SELENBP1: variants seen among roughly 807,000 people sequenced by gnomAD.
SELENBP1 encodes the protein selenium binding protein 1, also known as methanethiol oxidase.
In SELENBP1, 71 loss-of-function variants were observed where a neutral mutation model predicts 61.0. The ratio of observed to expected loss-of-function variants is 1.16; its 90% confidence interval spans 0.96 to 1.42. The LOEUF is 1.42. Ranked by LOEUF, SELENBP1 falls within the 40% of genes most tolerant of loss-of-function variation. The probability of loss-of-function intolerance (pLI) is 0.00; values close to 1 mark genes in which losing one functional copy is unlikely to be tolerated. For synonymous variants in SELENBP1, 270 were observed against 238.9 expected (o/e 1.13, Z -1.20); for missense variants, 561 against 605.0 (o/e 0.93, Z 0.76).
At chr1:151,366,539 A>G in intron 6 of SELENBP1, 86 bp from the exon 7 acceptor site, 2 of 1,499,360 alleles carry the variant, frequency 1.3e-6, no homozygotes, top group Non-Finnish European at 1.8e-6. Context: ...TCAGGGCAGA[A>G]GGTTAAGAAA....
At chr1:151,368,855 C>T in intron 4 of SELENBP1, 149 bp downstream of exon 4, 1 of 771,194 alleles carries the variant, frequency 1.3e-6, no homozygotes, top group Non-Finnish European at 2.1e-6. Flanking sequence ...GTAGACTCTG[C>T]TCTGAGGTCC....
At chr1:151,369,918 C>T in intron 1 of SELENBP1, 149 bp from the exon 2 acceptor site, 3 of 1,533,290 alleles carry the variant, frequency 2.0e-6, no homozygotes, top group Non-Finnish European at 2.6e-6. Flanking sequence ...CCTGTCCTCT[C>T]CGCCCCCTCA....
Position 151,368,297 on chromosome 1 carries a change from T to C in SELENBP1, c.383A>G (p.His128Arg), listed in dbSNP as rs747464379. 5 of 1,614,062 alleles carry C rather than the reference T, an allele frequency of 3.1e-6. No homozygotes were observed. In the African/African-American group the frequency reaches 4.0e-5, roughly 13 times the overall value. Residue 128 changes from histidine (H) to arginine (R), a missense_variant, in exon 5 of 12, where the codon CAT becomes CGT. Physicochemically the swap from His to Arg is conservative, Grantham distance 29. Transcript: ENST00000368868. The part of the protein sequence containing the change: ...LHKVIEPKDI[H>R]AKCELAFLHT... ...GAGAAAGGCCAGTTCGCACTTGGCATGGATGTCCTTGGGCTCAATGACCTG... is the reference window on the plus strand; with the variant it reads ...GAGAAAGGCCAGTTCGCACTTGGCACGGATGTCCTTGGGCTCAATGACCTG...
Position 151,367,209 on chromosome 1 carries a change from C to T in SELENBP1, c.482-305G>A, listed in dbSNP as rs185373550. On this transcript the variant is annotated intron_variant, in intron 5 of 11. Transcript: ENST00000368868. The stretch of plus-strand genomic sequence containing the variant: ...AATATAAAAAATTACCCAGGCATGG[C>T]GTCACATGCCTGTAATCCCAGCTAC... 3.3e-3 allele frequency: 1,030 copies of T among 307,484 alleles called. 13 individuals are homozygous for T. Among genetic ancestry groups the T allele is most frequent in the African/African-American group, 0.02 (931 of 46,968 alleles). The allele number at this position is 307,484 out of a possible 1,614,324, so 19.0% of individuals were successfully genotyped here.
rs760367354 is a variant in SELENBP1, at chr1:151,366,379, C to T, written c.739G>A (p.Gly247Arg). 57 of 1,614,004 alleles carry T rather than the reference C, an allele frequency of 3.5e-5. No individual in the cohort carries two copies. The highest frequency in any genetic ancestry group is 4.5e-5 in the Non-Finnish European group (53 of 1,180,040). ...AAGCGGATCTCCAAGGGAATAAGCC[C>T]ATCTTTTAGAGACAGGGTCTGCACA... Reference protein sequence around the residue: ...EIVQTLSLKDGLIPLEIRFLH... With the variant: ...EIVQTLSLKDRLIPLEIRFLH... The change falls in exon 7 of 12, where the codon GGG becomes AGG. Residue 247 changes from glycine (G) to arginine (R), a missense_variant. Physicochemically the swap from Gly to Arg is moderately radical, Grantham distance 125 (BLOSUM62 -2). Transcript: ENST00000368868.
intron 4 of SELENBP1, 73 bp downstream of exon 4, chr1:151,368,931 C>T: frequency 1.3e-6 from 2 of 1,491,220 alleles, no homozygotes; most frequent in African/African-American, 1.4e-5. Flanking sequence ...TTAGGTCTGG[C>T]TTCCTGCCCG....
At chr1:151,369,677 T>C (rs1327840325) in intron 2 of SELENBP1, 36 bp downstream of exon 2, 1 of 1,548,492 alleles carries the variant, frequency 6.5e-7, no homozygotes, top group African/African-American at 1.4e-5. Context: ...GTGGAATCAG[T>C]AGTAGGGCGC....
Position 151,369,760 on chromosome 1 carries a change from C to T in SELENBP1, c.14G>A (p.Cys5Tyr). MATK[C>Y]GNCGPGYSTP... ...GGAGTAGCCGGGTCCACAATTCCCA[C>T]ATTTCGTAGCTGTGGAAGCAATGGG... The change falls in exon 2 of 12, where the codon TGT (cysteine) becomes TAT (tyrosine). Residue 5 changes from cysteine to tyrosine, a missense_variant. Transcript: ENST00000368868. 6.4e-7 allele frequency: 1 copy of T among 1,552,482 alleles called. No homozygotes were observed. Among genetic ancestry groups the T allele is most frequent in the African/African-American group, 1.4e-5 (1 of 73,218 alleles).
At position 151,364,551 on chromosome 1, in the gene SELENBP1, A is replaced by G. The variant is rs763560003; in HGVS notation, c.1411T>C (p.Trp471Arg). The change falls in exon 12 of 12, where the codon TGG becomes CGG. Residue 471 changes from tryptophan (W) to arginine (R), a missense_variant. Coordinates refer to ENST00000368868, the MANE Select transcript of SELENBP1 (RefSeq NM_003944.4). Reference protein sequence around the residue: ...YPGGDCSSDIWI With the variant: ...YPGGDCSSDIRI ...GGTGATGAGGGTGGAGTTCAAATCC[A>G]GATGTCAGAGCTACAATCGCCCCCA... 2 of 1,614,110 alleles carry G rather than the reference A, an allele frequency of 1.2e-6. No individual in the cohort carries two copies. The highest frequency in any genetic ancestry group is 2.2e-5 in the South Asian group (2 of 91,078).
chr1:151,368,363 A>C, intron 4 of SELENBP1, 44 bp from the exon 5 acceptor site: 1 of 1,602,608 alleles, frequency 6.2e-7, no homozygotes, highest in South Asian at 1.1e-5. Context: ...CAGGACTGGG[A>C]GTCCCTGCTC....
At chr1:151,372,023 G>C (rs1432232244) in intron 1 of SELENBP1, among the ~76,000 whole-genome samples, 1 of 142,908 alleles carries the variant, frequency 7.0e-6, no homozygotes, top group African/African-American at 2.5e-5. Flanking sequence ...GAGCGGGGAA[G>C]GACCTCCCAA....
intron 3 of SELENBP1, 107 bp from the exon 4 acceptor site, chr1:151,369,296 T>C: frequency 6.8e-7 from 1 of 1,463,138 alleles, no homozygotes; most frequent in Non-Finnish European, 9.4e-7. Context: ...ACAGGCTGGA[T>C]TTCAGCACTC....
chr1:151,368,463 C>G, intron 4 of SELENBP1, 144 bp from the exon 5 acceptor site: 1 of 1,217,680 alleles, frequency 8.2e-7, no homozygotes, highest in Non-Finnish European at 1.1e-6. Flanking sequence ...GGGAATATGA[C>G]AAAGATTCAG....
In SELENBP1 at chr1:151,368,212, C is replaced by A; in HGVS notation, c.468G>T (p.Lys156Asn). 6.2e-7 allele frequency: 1 copy of A among 1,614,126 alleles called. No individual in the cohort carries two copies. The highest frequency in any genetic ancestry group is 1.1e-5 in the South Asian group (1 of 91,076). ...EVMISSLGDV[K>N]GNGKGGFVLL... ...GCTGGCAGGTACCTTTGCCATTGCC[C>A]TTGACGTCTCCCAGGGAGCTGATCA... The change falls in exon 5 of 12, where the codon AAG becomes AAT. Residue 156 changes from lysine to asparagine, a missense_variant. By Grantham distance (94) the Lys-to-Asn change is moderately conservative (BLOSUM62 0). Transcript: ENST00000368868.
intron 1 of SELENBP1, among the ~76,000 whole-genome samples, chr1:151,370,930 G>C (rs1161093459): frequency 1.3e-5 from 2 of 152,158 alleles, no homozygotes; most frequent in African/African-American, 4.8e-5. Flanking sequence ...CAGCAACAGC[G>C]TTCAGAGTCT....
chr1:151,364,927 T>G lies in SELENBP1; in HGVS notation c.1255A>C (p.Arg419=). 1 of 1,613,514 alleles carries G rather than the reference T, an allele frequency of 6.2e-7. No individual in the cohort carries two copies. Among genetic ancestry groups the G allele is most frequent in the Non-Finnish European group, 8.5e-7 (1 of 1,179,522 alleles). Residue 419 remains arginine, a splice_region_variant and synonymous_variant, in exon 11 of 12, where the codon AGG becomes CGG. Coordinates refer to ENST00000368868, the MANE Select transcript of SELENBP1 (RefSeq NM_003944.4). The part of the protein sequence containing the change: ...WDKQFYPDLI[R]EGSVMLQVDV... ...AGAGCCCATGTGTCTGCTTCTCACC[T>G]GATGAGATCAGGGTAAAACTGCTTG...
chr1:151,368,278 G>A lies in SELENBP1; in HGVS notation c.402C>T (p.Ala134=), dbSNP rs371573612. 2 of 1,614,210 alleles carry A rather than the reference G, an allele frequency of 1.2e-6. No homozygotes were observed. Among genetic ancestry groups the A allele is most frequent in the East Asian group, 2.2e-5 (1 of 44,878 alleles). The change falls in exon 5 of 12, where the codon GCC becomes GCT. Residue 134 remains alanine (A), a synonymous_variant. Transcript: ENST00000368868. Reference sequence around the variant, plus strand: ...CCAGGCAGTGGCTGGTGTGGAGAAAGGCCAGTTCGCACTTGGCATGGATGT... The same window carrying A: ...CCAGGCAGTGGCTGGTGTGGAGAAAAGCCAGTTCGCACTTGGCATGGATGT... ...PKDIHAKCEL[A]FLHTSHCLAS...
intron 1 of SELENBP1, among the ~76,000 whole-genome samples, chr1:151,370,918 G>C (rs1351155141): frequency 6.6e-6 from 1 of 152,226 alleles, no homozygotes; most frequent in East Asian, 1.9e-4. Flanking sequence ...GAAGCTGAGA[G>C]GCAGCAACAG....
At chr1:151,370,012 G>T in intron 1 of SELENBP1, 1 of 1,440,808 alleles carries the variant, frequency 6.9e-7, no homozygotes, top group South Asian at 1.5e-5. Context: ...CAGGGCCCCG[G>T]GAGGGTGGGA....
Sources: gnomAD v4.1 joint callset for allele counts (sites outside exome capture counted in the v4.1 genomes callset) on GRCh38, gnomAD v4.1.1 for gene constraint, MANE v1.5 for transcripts, NCBI Gene and HGNC (gene_info 2026-07-23, HGNC 2026-07-21) for gene names.